Variants in LTBP1 observed in about 807,000 individuals in gnomAD.
LTBP1 encodes latent-transforming growth factor beta-binding protein 1.
A neutral mutation model predicts 207.6 loss-of-function variants in LTBP1; 129 were observed. The ratio of observed to expected loss-of-function variants is 0.62; its 90% confidence interval spans 0.54 to 0.72. LTBP1 has a LOEUF of 0.72. LTBP1 is among the 30% of genes least tolerant of loss of function. The probability of loss-of-function intolerance (pLI) is 0.00; values close to 1 mark genes in which losing one functional copy is unlikely to be tolerated. For missense variants in LTBP1, 2,281 were observed against 2,217.2 expected, an observed-to-expected ratio of 1.03 and a Z score of -0.58; for synonymous variants, 963 against 833.7, an observed-to-expected ratio of 1.16 and a Z score of -2.67.
intron 3 of LTBP1, among the ~76,000 whole-genome samples, chr2:33,054,481 G>C (rs2076892629): frequency 6.6e-6 from 1 of 152,110 alleles, no homozygotes; most frequent in South Asian, 2.1e-4. Flanking sequence ...GACAACAAAT[G>C]GGTAACTTGT....
chr2:33,142,126 A>G (rs934014167), intron 5 of LTBP1, among the ~76,000 whole-genome samples: 2 of 151,970 alleles, frequency 1.3e-5, no homozygotes, highest in African/African-American at 4.8e-5. Flanking sequence ...ATCTCGGCTC[A>G]CTGCAAGCTC....
Position 33,398,668 on chromosome 2 carries a change from T to C in LTBP1, c.*123T>C. Reference sequence around the variant, plus strand: ...CTGGAAATACAGAAACAGCATGGAATTGCAAGTCCTCTGAAGACAATGAGA... The same window carrying C: ...CTGGAAATACAGAAACAGCATGGAACTGCAAGTCCTCTGAAGACAATGAGA... On this transcript the variant is annotated 3_prime_UTR_variant, in exon 34 of 34. Coordinates refer to ENST00000404816, the MANE Select transcript of LTBP1 (RefSeq NM_206943.4). The C allele has an allele frequency of 1.2e-6, 1 of 866,770 alleles. No homozygotes were observed. The highest frequency in any genetic ancestry group is 1.7e-6 in the Non-Finnish European group (1 of 585,966). The allele number at this position is 866,770 out of a possible 1,614,324, so 53.7% of individuals were successfully genotyped here.
chr2:33,027,627 G>A (rs72791767), intron 3 of LTBP1, among the ~76,000 whole-genome samples: 14,471 of 152,138 alleles, frequency 0.095, 935 homozygotes, highest in Non-Finnish European at 0.14. Flanking sequence ...ATGAGGTCAA[G>A]AGATCAAGAC....
intron 5 of LTBP1, among the ~76,000 whole-genome samples, chr2:33,179,591 G>A (rs960582499): frequency 6.6e-6 from 1 of 151,690 alleles, no homozygotes; most frequent in Non-Finnish European, 1.5e-5. Context: ...TCTCTCATAT[G>A]TAAAAGAAAA....
chr2:33,074,336 G>A (rs2077961937), intron 3 of LTBP1, among the ~76,000 whole-genome samples: 1 of 152,104 alleles, frequency 6.6e-6, no homozygotes, highest in African/African-American at 2.4e-5. Flanking sequence ...TCTTGTCATG[G>A]CCTTTTTCAC....
At chr2:33,112,483 A>G (rs1336958612) in intron 4 of LTBP1, among the ~76,000 whole-genome samples, 1 of 152,226 alleles carries the variant, frequency 6.6e-6, no homozygotes, top group African/African-American at 2.4e-5. Context: ...AGACTAATAT[A>G]CATTATCACA....
chr2:33,051,629 G>GA (rs2076748676), intron 3 of LTBP1, among the ~76,000 whole-genome samples: 1 of 152,136 alleles, frequency 6.6e-6, no homozygotes, highest in Non-Finnish European at 1.5e-5. Flanking sequence ...TTTTGTTTCT[G>GA]ATGGCTCAGT....
intron 16 of LTBP1, 53 bp from the exon 17 acceptor site, chr2:33,274,912 A>C: frequency 6.4e-7 from 1 of 1,573,078 alleles, no homozygotes; most frequent in Non-Finnish European, 8.7e-7. Flanking sequence ...GAACAGGGAA[A>C]CTAAGTTCTT....
chr2:33,045,577 G>T (rs917631330), intron 3 of LTBP1, among the ~76,000 whole-genome samples: 3 of 152,164 alleles, frequency 2.0e-5, no homozygotes, highest in African/African-American at 7.2e-5. Flanking sequence ...TTTTGCTTAG[G>T]ATTGTCTTGA....
At chr2:33,162,975 G>A (rs139742389) in intron 5 of LTBP1, among the ~76,000 whole-genome samples, 152 of 152,194 alleles carry the variant, frequency 1.0e-3, no homozygotes, top group African/African-American at 3.4e-3. Context: ...AGCTTTAAGA[G>A]GCTGGCTTTA....
In LTBP1 at chr2:33,350,451, G is replaced by A. The variant is rs1427890772; in HGVS notation, c.4000+2941G>A. ...CAGAAAATACTGGAGTGCTTCCCGC[G>A]GAGGCATCCAAGAACAGGTGGGATA... is the stretch of plus-strand genomic sequence containing the variant. On this transcript the variant is annotated intron_variant, in intron 26 of 33. Coordinates refer to ENST00000404816, the MANE Select transcript of LTBP1 (RefSeq NM_206943.4). Among the ~76,000 whole-genome samples the A allele has an allele frequency of 5.3e-5, 8 of 152,270 alleles. No individual in the cohort carries two copies. In the East Asian group the frequency reaches 5.8e-4, roughly 11 times the overall value.
chr2:33,327,526 T>C (rs570648755), intron 24 of LTBP1, among the ~76,000 whole-genome samples: 4 of 152,170 alleles, frequency 2.6e-5, no homozygotes, highest in East Asian at 1.9e-4. Flanking sequence ...AGGAAAGATA[T>C]AGTAAATTAC....
intron 3 of LTBP1, among the ~76,000 whole-genome samples, chr2:33,090,890 A>G (rs1290236680): frequency 6.6e-6 from 1 of 152,224 alleles, no homozygotes; most frequent in East Asian, 1.9e-4. Context: ...TTGTTGAGTC[A>G]GTTTTCCCTC....
intron 20 of LTBP1, among the ~76,000 whole-genome samples, chr2:33,297,046 G>A (rs369336059): frequency 5.3e-5 from 8 of 152,132 alleles, no homozygotes; most frequent in African/African-American, 9.7e-5. Context: ...GCTTGTGTGC[G>A]TCTGGGAAAG....
intron 24 of LTBP1, among the ~76,000 whole-genome samples, chr2:33,336,331 A>C (rs562863474): frequency 2.0e-5 from 3 of 152,326 alleles, no homozygotes; most frequent in African/African-American, 7.2e-5. Flanking sequence ...AGGTAAGAGA[A>C]TGTGATGGCT....
intron 2 of LTBP1, among the ~76,000 whole-genome samples, 184 bp downstream of exon 2, chr2:32,949,129 A>T (rs1225202561): frequency 1.3e-5 from 2 of 152,212 alleles, no homozygotes; most frequent in Non-Finnish European, 2.9e-5. Flanking sequence ...TATCAATGCC[A>T]GCAGCAATAC....
At chr2:33,323,453 A>G (rs997368793) in intron 24 of LTBP1, among the ~76,000 whole-genome samples, 4 of 152,180 alleles carry the variant, frequency 2.6e-5, no homozygotes, top group African/African-American at 7.2e-5. Context: ...CATGGCCAAC[A>G]TGATGAAACC....
At chr2:33,380,146 GTCA>G (rs2095195311) in intron 31 of LTBP1, among the ~76,000 whole-genome samples, 1 of 152,126 alleles carries the variant, frequency 6.6e-6, no homozygotes, top group African/African-American at 2.4e-5. Context: ...TTACATGTTT[GTCA>G]TCATTCTGAA....
At chr2:33,301,315 T>G (rs6735659) in intron 21 of LTBP1, among the ~76,000 whole-genome samples, 86,633 of 152,048 alleles carry the variant, frequency 0.57, 25,638 homozygotes, top group African/African-American at 0.73. Context: ...GTTTCATAAA[T>G]AAACAATATC....
Sources: allele counts gnomAD v4.1 joint callset (sites outside exome capture counted in the v4.1 genomes callset), GRCh38; gene constraint gnomAD v4.1.1; transcripts MANE v1.5; gene names NCBI Gene and HGNC (gene_info 2026-07-23, HGNC 2026-07-21).